BPIFB3: variants seen among roughly 807,000 people sequenced by gnomAD.
BPIFB3 encodes BPI fold-containing family B member 3.
In BPIFB3, 49 loss-of-function variants were observed where a neutral mutation model predicts 53.1. The ratio of observed to expected loss-of-function variants is 0.92; its 90% CI spans 0.73 to 1.17. BPIFB3 has a LOEUF of 1.17. BPIFB3 is among the 50% of genes most tolerant of loss of function. The pLI, the probability that BPIFB3 is intolerant of heterozygous loss-of-function variation, is 0.00. For missense variants in BPIFB3, 628 were observed against 592.5 expected (o/e 1.06, Z -0.62); for synonymous variants, 271 against 269.6 (o/e 1.01, Z -0.05).
At chr20:33,071,121 G>T (rs985934929) in intron 11 of BPIFB3, 132 bp from the exon 13 acceptor site, 2 of 975,796 alleles carry the variant, frequency 2.0e-6, no homozygotes, top group African/African-American at 1.6e-5. Context: ...CTGAGTCAAG[G>T]CTGGATAGAG....
chr20:33,064,482 G>A (rs1489369441), exon 7 of BPIFB3: 2 of 1,614,078 alleles, frequency 1.2e-6, no homozygotes, highest in Admixed American at 3.3e-5. Flanking sequence ...GGGCTCTTGG[G>A]TCCGTGGAAT....
chr20:33,063,771 G>C, intron 6 of BPIFB3, 96 bp downstream of exon 7: 1 of 1,298,394 alleles, frequency 7.7e-7, no homozygotes, highest in Non-Finnish European at 1.1e-6. Context: ...GAAGCGGCAG[G>C]ATCTCAGGGT....
chr20:33,066,338 G>A (rs743176), intron 8 of BPIFB3, among the ~76,000 whole-genome samples: 21,623 of 152,182 alleles, frequency 0.14, 1,727 homozygotes, highest in African/African-American at 0.21. Context: ...AAATTTACAT[G>A]TGACTTCCTG....
In BPIFB3 at chr20:33,055,626, T is replaced by G. The variant is rs1344389655; in HGVS notation, c.124+79T>G. Reference sequence around the variant, plus strand: ...ATCTATATGCTTAGAGCATCTGCTTTAAGAGCAGATAAGAGCAGGTTGTGA... The same window carrying G: ...ATCTATATGCTTAGAGCATCTGCTTGAAGAGCAGATAAGAGCAGGTTGTGA... On this transcript the variant is annotated intron_variant, in intron 1 of 14. Coordinates refer to ENST00000375494, the Ensembl canonical transcript of BPIFB3. The G allele has an allele frequency of 1.9e-6, 3 of 1,572,360 alleles. No individual in the cohort carries two copies. In the African/African-American group the frequency reaches 4.0e-5, roughly 21 times the overall value.
chr20:33,070,488 C>T (rs1472539806), intron 11 of BPIFB3, among the ~76,000 whole-genome samples: 2 of 152,246 alleles, frequency 1.3e-5, no homozygotes, highest in African/African-American at 2.4e-5. Flanking sequence ...CAGTACTTTA[C>T]AGTTTGCAAA....
chr20:33,073,698 G>T (rs1600547328), downstream of BPIFB3: 3 of 1,485,684 alleles, frequency 2.0e-6, no homozygotes, highest in East Asian at 6.9e-5. Context: ...AGCTGATGTT[G>T]GTGACAGTAA....
intron 11 of BPIFB3, 44 bp from the exon 13 acceptor site, chr20:33,071,209 G>T: frequency 6.6e-7 from 1 of 1,507,518 alleles, no homozygotes. Flanking sequence ...GACAGGGGTG[G>T]TTGGGGGTAG....
intron 2 of BPIFB3, among the ~76,000 whole-genome samples, chr20:33,057,231 C>T (rs1980247924): frequency 6.6e-6 from 1 of 152,080 alleles, no homozygotes. Context: ...CTTTGTTGCC[C>T]AGGCTGGAGT....
At chr20:33,060,205 C>G (rs1367309288) in intron 4 of BPIFB3, among the ~76,000 whole-genome samples, 174 bp downstream of exon 5, 1 of 152,220 alleles carries the variant, frequency 6.6e-6, no homozygotes, top group African/African-American at 2.4e-5. Context: ...TGAGTCCCAC[C>G]ACTGACAGGG....
downstream of BPIFB3, chr20:33,073,650 C>T (rs1358354436): frequency 6.2e-7 from 1 of 1,606,934 alleles, no homozygotes; most frequent in Non-Finnish European, 8.5e-7. Context: ...TACTAGAGAC[C>T]ACCTGTCTAC....
intron 1 of BPIFB3, 107 bp downstream of exon 2, chr20:33,055,654 C>A: frequency 6.6e-7 from 1 of 1,510,570 alleles, no homozygotes. Flanking sequence ...GGTTGTGATT[C>A]TCAGCTGCTT....
At chr20:33,057,265 T>G (rs1980248570) in intron 2 of BPIFB3, among the ~76,000 whole-genome samples, 1 of 152,100 alleles carries the variant, frequency 6.6e-6, no homozygotes, top group South Asian at 2.1e-4. Flanking sequence ...CTCGGCTCAC[T>G]GCAACCTCCG....
At chr20:33,067,404 A>G (rs1408497695) in intron 9 of BPIFB3, among the ~76,000 whole-genome samples, 1 of 152,236 alleles carries the variant, frequency 6.6e-6, no homozygotes, top group African/African-American at 2.4e-5. Context: ...AATGTCTACT[A>G]CAAGGTCCTT....
chr20:33,056,032 C>T (rs973599918), intron 1 of BPIFB3, among the ~76,000 whole-genome samples: 1 of 152,216 alleles, frequency 6.6e-6, no homozygotes, highest in African/African-American at 2.4e-5. Flanking sequence ...CTCCATCCTG[C>T]CCTTCCCACA....
At chr20:33,056,784 C>T in intron 2 of BPIFB3, 86 bp downstream of exon 3, 2 of 1,453,120 alleles carry the variant, frequency 1.4e-6, no homozygotes, top group South Asian at 1.4e-5. Context: ...GTAATTTGTC[C>T]AATAGGCAGT....
chr20:33,066,864 C>T, exon 9 of BPIFB3: 1 of 1,614,172 alleles, frequency 6.2e-7, no homozygotes, highest in South Asian at 1.1e-5. Context: ...GACCTGGCAG[C>T]TTTGCTCCCT....
rs146783248 is a variant in BPIFB3, at chr20:33,056,684, C to A, written c.267C>A (p.Val89=). The change falls in exon 2 of 15, where the codon GTC becomes GTA. Residue 89 remains valine, a synonymous_variant. Coordinates refer to ENST00000375494, the Ensembl canonical transcript of BPIFB3. ...GCCACGGAGGGGTTTTTGGCGTTGTCGAGGAGCTCTCTGGGTGAGTCCCAC... is the reference window on the plus strand; with the variant it reads ...GCCACGGAGGGGTTTTTGGCGTTGTAGAGGAGCTCTCTGGGTGAGTCCCAC... The A allele has an allele frequency of 8.7e-6, 14 of 1,601,412 alleles. 1 individual carries two copies. In the South Asian group the frequency reaches 1.6e-4, roughly 18 times the overall value.
intron 4 of BPIFB3, 66 bp from the exon 6 acceptor site, chr20:33,061,702 G>C (rs375190834): frequency 2.6e-6 from 4 of 1,514,606 alleles, no homozygotes; most frequent in Admixed American, 1.7e-5. Context: ...GTGTCCGCCC[G>C]ACCCTGTCAT....
chr20:33,063,386 G>A (rs1049782813), intron 5 of BPIFB3, among the ~76,000 whole-genome samples: 3 of 152,130 alleles, frequency 2.0e-5, no homozygotes, highest in Non-Finnish European at 4.4e-5. Context: ...TTCTAATGGG[G>A]CTCTTGTAAC....
Sources: allele counts gnomAD v4.1 joint callset (sites outside exome capture counted in the v4.1 genomes callset), GRCh38; gene constraint gnomAD v4.1.1; transcripts MANE v1.5; gene names NCBI Gene and HGNC (gene_info 2026-07-23, HGNC 2026-07-21).